TOPBP1: variants seen among roughly 807,000 people sequenced by gnomAD.
TOPBP1 encodes DNA topoisomerase II binding protein 1.
A neutral mutation model predicts 167.7 loss-of-function variants in TOPBP1; 28 were observed. That is an observed-to-expected ratio of 0.17 (90% CI 0.12 to 0.23). TOPBP1 has a LOEUF of 0.23. Ranked by LOEUF, TOPBP1 falls within the 10% of genes least tolerant of loss-of-function variation. The pLI is 1.00. For missense variants in TOPBP1, 1,554 were observed against 1,809.6 expected, an observed-to-expected ratio of 0.86 and a Z score of 2.56; for synonymous variants, 598 against 611.4, an observed-to-expected ratio of 0.98 and a Z score of 0.32.
chr3:133,639,371 A>C lies in TOPBP1; in HGVS notation c.2233+588T>G, dbSNP rs532415447. 1.5e-3 allele frequency among the ~76,000 whole-genome samples: 236 copies of C among 152,284 alleles called. 1 individual carries two copies. Among genetic ancestry groups the C allele is most frequent in the Non-Finnish European group, 3.1e-3 (212 of 68,020 alleles). On this transcript the variant is annotated intron_variant, in intron 13 of 27. Transcript: ENST00000260810. ...GAAACTATCACAAGGACAGAAAACC[A>C]AACACCGCATGTTCTCACTCATAGA...
chr3:133,607,241 C>T (rs565786989), intron 27 of TOPBP1, among the ~76,000 whole-genome samples: 4 of 152,088 alleles, frequency 2.6e-5, no homozygotes, highest in South Asian at 4.2e-4. Context: ...GAAATGTTTA[C>T]GATTTTGTAC....
At chr3:133,611,888 C>A (rs940187932) in intron 24 of TOPBP1, among the ~76,000 whole-genome samples, 1 of 152,080 alleles carries the variant, frequency 6.6e-6, no homozygotes, top group Non-Finnish European at 1.5e-5. Context: ...AGATGGGAAC[C>A]ACCATGCCCA....
intron 8 of TOPBP1, 32 bp from the exon 9 acceptor site, chr3:133,649,975 C>A: frequency 2.0e-6 from 3 of 1,486,852 alleles, no homozygotes; most frequent in Non-Finnish European, 2.7e-6. Context: ...ATATACATAA[C>A]ATGCTTTCTC....
In TOPBP1 at chr3:133,600,511, T is replaced by C. The variant is rs1934254133; in HGVS notation, c.*739A>G. 1 of 152,356 alleles carries C rather than the reference T, an allele frequency of 6.6e-6. No individual in the cohort carries two copies. The highest frequency in any genetic ancestry group is 1.5e-5 in the Non-Finnish European group (1 of 68,106). 9.4% of individuals were successfully genotyped at this position (152,356 alleles called of 1,614,324 possible). ...GCCTCAGCCTCCCAAAGTGCTGGGA[T>C]TACAGGCACGAGCCACCGCACCCAG... On this transcript the variant is annotated 3_prime_UTR_variant, in exon 28 of 28. Transcript: ENST00000260810.
At chr3:133,632,548 C>A (rs893519862) in intron 14 of TOPBP1, among the ~76,000 whole-genome samples, 1 of 152,050 alleles carries the variant, frequency 6.6e-6, no homozygotes, top group Non-Finnish European at 1.5e-5. Context: ...TTTCTATATG[C>A]TAAACTTTTT....
chr3:133,617,526 A>G, intron 21 of TOPBP1, 200 bp from the exon 22 acceptor site: 3 of 463,974 alleles, frequency 6.5e-6, no homozygotes, highest in Non-Finnish European at 1.1e-5. Context: ...ATAACAATAA[A>G]GAAAAAATGC....
chr3:133,619,111 C>CAAA (rs71136485), intron 20 of TOPBP1, among the ~76,000 whole-genome samples: 4 of 103,518 alleles, frequency 3.9e-5, no homozygotes, highest in Non-Finnish European at 6.0e-5. Flanking sequence ...TGTGGAGAAG[C>CAAA]AAAAAAAAAA....
At position 133,611,998 on chromosome 3, in the gene TOPBP1, A is replaced by T. The variant is rs187132937; in HGVS notation, c.4035+391T>A. Among the ~76,000 whole-genome samples, 3 of 151,248 alleles carry T rather than the reference A, an allele frequency of 2.0e-5. No homozygotes were observed. In the East Asian group the frequency reaches 5.8e-4, roughly 29 times the overall value. ...AGCCATCCTCCTGCCTTGGCCTCCC[A>T]AAGTGCTGAAAGTGGCATGAGCCAG... is the stretch of plus-strand genomic sequence containing the variant. On this transcript the variant is annotated intron_variant, in intron 24 of 27. Transcript: ENST00000260810.
intron 19 of TOPBP1, among the ~76,000 whole-genome samples, chr3:133,621,593 G>C (rs1480808533): frequency 6.6e-6 from 1 of 152,174 alleles, no homozygotes; most frequent in African/African-American, 2.4e-5. Flanking sequence ...TATACATAAG[G>C]AACTTAAGCA....
At chr3:133,653,622 G>T (rs980508076) in intron 6 of TOPBP1, 98 bp from the exon 7 acceptor site, 3 of 1,096,748 alleles carry the variant, frequency 2.7e-6, no homozygotes, top group Non-Finnish European at 2.4e-6. Context: ...AATTATAACA[G>T]GTTAATATTT....
intron 23 of TOPBP1, among the ~76,000 whole-genome samples, chr3:133,615,505 A>T (rs1449900501): frequency 6.6e-6 from 1 of 151,870 alleles, no homozygotes; most frequent in East Asian, 1.9e-4. Flanking sequence ...CCCCACCAAT[A>T]TTTCTTAATG....
chr3:133,644,434 TA>T, intron 10 of TOPBP1, 71 bp from the exon 11 acceptor site: 1 of 1,305,456 alleles, frequency 7.7e-7, no homozygotes. Context: ...GCAAGGATAT[TA>T]ACGTAACATG....
chr3:133,635,161 G>A (rs1189648135), intron 14 of TOPBP1, among the ~76,000 whole-genome samples: 1 of 152,128 alleles, frequency 6.6e-6, no homozygotes, highest in Admixed American at 6.5e-5. Context: ...TCACCATGTT[G>A]CCCAGGCTGG....
intron 11 of TOPBP1, 89 bp from the exon 12 acceptor site, chr3:133,643,461 T>C: frequency 4.2e-6 from 5 of 1,187,612 alleles, no homozygotes; most frequent in Non-Finnish European, 5.7e-6. Flanking sequence ...ATAATTTAGT[T>C]TTGATAAGAA....
At chr3:133,635,784 C>T (rs1436991902) in intron 14 of TOPBP1, among the ~76,000 whole-genome samples, 2 of 152,044 alleles carry the variant, frequency 1.3e-5, no homozygotes, top group Non-Finnish European at 2.9e-5. Flanking sequence ...CAGGTATATA[C>T]CACATAGTAA....
In TOPBP1 at chr3:133,649,488, T is replaced by G. The variant is rs780311575; in HGVS notation, c.1399A>C (p.Lys467Gln). ...KPESKAALLK[K>Q]KNSSFSKKDF... ...TTCTTAGAGAAGCTGCTGTTCTTCT[T>G]TTTTAAAAGAGCTGCTTTACTTTCA... is the stretch of plus-strand genomic sequence containing the variant. Residue 467 changes from lysine (K) to glutamine (Q), a missense_variant, in exon 10 of 28, where the codon AAG becomes CAG. Around this residue, in one of 3 missense-constraint regions of TOPBP1, gnomAD observed 1,197 missense variants for 1,351.5 expected, o/e 0.89. Coordinates refer to ENST00000260810, the MANE Select transcript of TOPBP1 (RefSeq NM_007027.4). 7 of 1,613,836 alleles carry G rather than the reference T, an allele frequency of 4.3e-6. No individual in the cohort carries two copies. The highest frequency in any genetic ancestry group is 1.3e-5 in the African/African-American group (1 of 74,916).
chr3:133,616,719 T>A (rs1034559534), intron 23 of TOPBP1, 95 bp downstream of exon 23: 1 of 696,458 alleles, frequency 1.4e-6, no homozygotes, highest in Admixed American at 3.7e-5. Flanking sequence ...TTCCTCTACT[T>A]CTAGACTTTA....
rs1291039218 is a variant in TOPBP1 at position 133,644,009 on chromosome 3, T to C, written c.1848+11A>G. The C allele has an allele frequency of 1.3e-6, 2 of 1,581,484 alleles. No individual in the cohort carries two copies. Among genetic ancestry groups the C allele is most frequent in the Non-Finnish European group, 1.7e-6 (2 of 1,165,522 alleles). The stretch of plus-strand genomic sequence containing the variant: ...TTCGATACTTTATTTCAACCACTAG[T>C]GTTGTCTTACCAGCCATGTATTTGT... On this transcript the variant is annotated intron_variant, in intron 11 of 27. Transcript: ENST00000260810.
At chr3:133,622,185 G>GTTTTTTTTTTT in intron 19 of TOPBP1, among the ~76,000 whole-genome samples, 1 of 106,448 alleles carries the variant, frequency 9.4e-6, no homozygotes, top group Non-Finnish European at 1.8e-5. Context: ...CACCATTTAT[G>GTTTTTTTTTTT]TTTTTTTTTT....
Sources: allele counts gnomAD v4.1 joint callset (sites outside exome capture counted in the v4.1 genomes callset), GRCh38; gene constraint gnomAD v4.1.1; regional missense constraint gnomAD v4.1.1; transcripts MANE v1.5; gene names NCBI Gene and HGNC (gene_info 2026-07-23, HGNC 2026-07-21).